CCDC175: variants seen among roughly 807,000 people sequenced by gnomAD.
CCDC175 encodes coiled-coil domain containing 175.
A neutral mutation model predicts 114.6 loss-of-function variants in CCDC175; 100 were observed. The ratio of observed to expected loss-of-function variants is 0.87; its 90% CI spans 0.74 to 1.03. The LOEUF (loss-of-function observed/expected upper bound fraction) is 1.03, where lower values mean the gene tolerates loss of function less well. Among genes scored for constraint, CCDC175 ranks in the 50% least tolerant of loss-of-function variants. The pLI, the probability that CCDC175 is intolerant of heterozygous loss-of-function variation, is 0.00. For missense variants in CCDC175, 880 were observed against 917.8 expected, an observed-to-expected ratio of 0.96 and a Z score of 0.53; for synonymous variants, 306 against 308.7, an observed-to-expected ratio of 0.99 and a Z score of 0.09.
intron 8 of CCDC175, 124 bp downstream of exon 8, chr14:59,551,231 C>A: frequency 3.8e-6 from 2 of 526,696 alleles, no homozygotes; most frequent in Non-Finnish European, 6.4e-6. Context: ...TTACTACAAA[C>A]AACCATATTA....
chr14:59,557,029 T>C (rs934013970), intron 7 of CCDC175, among the ~76,000 whole-genome samples: 5 of 152,180 alleles, frequency 3.3e-5, no homozygotes, highest in African/African-American at 1.2e-4. Context: ...GACTGTAAAC[T>C]AGTTCAACGA....
chr14:59,522,710 A>G (rs1269645536), intron 16 of CCDC175, among the ~76,000 whole-genome samples: 1 of 152,196 alleles, frequency 6.6e-6, no homozygotes, highest in African/African-American at 2.4e-5. Flanking sequence ...TCCCAGGTGT[A>G]AATCCTGCCT....
rs530359645 is a variant in CCDC175 at position 59,575,292 on chromosome 14, T to C, written c.158-264A>G. 2.4e-3 allele frequency among the ~76,000 whole-genome samples: 58 copies of C among 23,998 alleles called. No individual in the cohort carries two copies. In the East Asian group the frequency reaches 0.37, roughly 154 times the overall value. The allele number at this position is 23,998 out of a possible 152,430, so 15.7% of individuals were successfully genotyped here. On this transcript the variant is annotated intron_variant, in intron 1 of 19. Coordinates refer to ENST00000537690, the MANE Select transcript of CCDC175 (RefSeq NM_001164399.2). ...TATAACTCAGGGCAAGAGGGTGTAA[T>C]GATTTTTTTTTCCTATGAAATATGT...
intron 7 of CCDC175, among the ~76,000 whole-genome samples, chr14:59,552,064 G>A (rs1364620577): frequency 6.6e-6 from 1 of 152,242 alleles, no homozygotes; most frequent in Non-Finnish European, 1.5e-5. Flanking sequence ...CGAACAAAAG[G>A]CAGCAGAAAC....
chr14:59,549,684 C>T (rs1281893778), intron 8 of CCDC175, among the ~76,000 whole-genome samples: 1 of 126,934 alleles, frequency 7.9e-6, no homozygotes, highest in African/African-American at 2.8e-5. Context: ...CATGCCACTG[C>T]ACTCCAGCCT....
At chr14:59,538,001 T>C (rs1046147306) in intron 13 of CCDC175, 22 bp downstream of exon 13, 4 of 1,493,614 alleles carry the variant, frequency 2.7e-6, no homozygotes, top group Non-Finnish European at 3.6e-6. Flanking sequence ...AAAAGTATTC[T>C]TAGATGCAAA....
chr14:59,512,787 A>C (rs1026504908), intron 17 of CCDC175, among the ~76,000 whole-genome samples: 2 of 149,256 alleles, frequency 1.3e-5, no homozygotes, highest in Non-Finnish European at 3.0e-5. Context: ...ACACAAACCC[A>C]ATTAAGATCT....
intron 10 of CCDC175, among the ~76,000 whole-genome samples, chr14:59,542,777 C>T (rs1467347109): frequency 4.6e-5 from 7 of 151,874 alleles, no homozygotes; most frequent in African/African-American, 1.7e-4. Context: ...AACATTTTAC[C>T]TTATTTGTTT....
At chr14:59,519,688 C>T (rs1893312679) in intron 17 of CCDC175, among the ~76,000 whole-genome samples, 3 of 152,228 alleles carry the variant, frequency 2.0e-5, no homozygotes, top group African/African-American at 7.2e-5. Flanking sequence ...TTCCATTCCA[C>T]AAGTTTTTTT....
chr14:59,536,950 T>A (rs1179475754), intron 13 of CCDC175, among the ~76,000 whole-genome samples: 2 of 151,982 alleles, frequency 1.3e-5, no homozygotes, highest in African/African-American at 2.4e-5. Flanking sequence ...CTGGCTAATT[T>A]TTTTGTATTT....
At position 59,531,872 on chromosome 14, in the gene CCDC175, C is replaced by A; in HGVS notation, c.1662G>T (p.Lys554Asn). 7.8e-7 allele frequency: 1 copy of A among 1,287,118 alleles called. No homozygotes were observed. Among genetic ancestry groups the A allele is most frequent in the Non-Finnish European group, 1.1e-6 (1 of 927,102 alleles). 79.7% of individuals were successfully genotyped at this position (1,287,118 alleles called of 1,614,324 possible). Reference protein sequence around the residue: ...FVKETQINKEKEEELVEYLPQ... With the variant: ...FVKETQINKENEEELVEYLPQ... Reference sequence around the variant, plus strand: ...GAAGATACTCAACTAGTTCTTCTTCCTTTTCTTTGTTAATTTGTGTTTCCT... The same window carrying A: ...GAAGATACTCAACTAGTTCTTCTTCATTTTCTTTGTTAATTTGTGTTTCCT... The change falls in exon 14 of 20, where the codon AAG becomes AAT. Residue 554 changes from lysine (K) to asparagine (N), a missense_variant. Lys to Asn is a moderately conservative substitution (Grantham distance 94, BLOSUM62 0). Coordinates refer to ENST00000537690, the MANE Select transcript of CCDC175 (RefSeq NM_001164399.2).
At position 59,538,011 on chromosome 14, in the gene CCDC175, A is replaced by G; in HGVS notation, c.1623+12T>C. On this transcript the variant is annotated intron_variant, in intron 13 of 19. Coordinates refer to ENST00000537690, the MANE Select transcript of CCDC175 (RefSeq NM_001164399.2). Reference sequence around the variant, plus strand: ...CATCCAAAAGTATTCTTAGATGCAAAATAAAATTTACCTCATACTTGCTTA... The same window carrying G: ...CATCCAAAAGTATTCTTAGATGCAAGATAAAATTTACCTCATACTTGCTTA... The G allele has an allele frequency of 6.6e-7, 1 of 1,511,292 alleles. No individual in the cohort carries two copies. The allele number at this position is 1,511,292 out of a possible 1,614,324, so 93.6% of individuals were successfully genotyped here.
Position 59,545,186 on chromosome 14 carries a change from C to CA in CCDC175, c.1148dup (p.Leu383PhefsTer8), listed in dbSNP as rs921476762. The stretch of plus-strand genomic sequence containing the variant: ...ACTCATCATGAATCTTTTGTTTTTG[C>CA]AAAAAAGCTTTTTCTTCCTCACTTA... On this transcript the variant is annotated frameshift_variant, in exon 9 of 20. Transcript: ENST00000537690. LOFTEE classifies it high-confidence loss of function. 2 of 1,536,106 alleles carry CA rather than the reference C, an allele frequency of 1.3e-6. No individual in the cohort carries two copies. Among genetic ancestry groups the CA allele is most frequent in the African/African-American group, 2.7e-5 (2 of 72,894 alleles).
chr14:59,576,794 C>G lies in CCDC175; in HGVS notation c.-19G>C. On this transcript the variant is annotated 5_prime_UTR_variant, in exon 1 of 20. Coordinates refer to ENST00000537690, the MANE Select transcript of CCDC175 (RefSeq NM_001164399.2). ...GGGCCATTTTGCCGCTCTACTTGAG[C>G]GCCTCCTAAGCCAGAGCCAAGGATT... 7.0e-7 allele frequency: 1 copy of G among 1,427,038 alleles called. No homozygotes were observed. The highest frequency in any genetic ancestry group is 3.0e-5 in the East Asian group (1 of 33,746). 88.4% of individuals were successfully genotyped at this position (1,427,038 alleles called of 1,614,324 possible). A position where few individuals can be genotyped will look rare whatever the true frequency, so the allele number is the denominator to read the frequency against.
intron 4 of CCDC175, 64 bp downstream of exon 4, chr14:59,568,181 G>T: frequency 1.4e-6 from 2 of 1,444,216 alleles, no homozygotes; most frequent in South Asian, 2.8e-5. Context: ...AACCCCTCCC[G>T]ACAATTTTCC....
chr14:59,551,831 T>A (rs1895517042), intron 7 of CCDC175, among the ~76,000 whole-genome samples: 1 of 152,356 alleles, frequency 6.6e-6, no homozygotes, highest in East Asian at 1.9e-4. Context: ...ATCCCGCGCA[T>A]GGCTCAGAGG....
chr14:59,570,143 G>A (rs1388940324), intron 3 of CCDC175, among the ~76,000 whole-genome samples: 2 of 151,750 alleles, frequency 1.3e-5, no homozygotes, highest in Non-Finnish European at 2.9e-5. Flanking sequence ...TCTTCATGCA[G>A]AGGTGCCTCA....
intron 2 of CCDC175, among the ~76,000 whole-genome samples, chr14:59,574,482 A>G (rs1897000956): frequency 6.6e-6 from 1 of 152,224 alleles, no homozygotes; most frequent in African/African-American, 2.4e-5. Flanking sequence ...AGTACCGTCT[A>G]CTTCAGTGGA....
intron 4 of CCDC175, among the ~76,000 whole-genome samples, chr14:59,567,191 C>T (rs1461374342): frequency 1.3e-5 from 2 of 152,218 alleles, no homozygotes; most frequent in Non-Finnish European, 2.9e-5. Flanking sequence ...GTTTATGTAG[C>T]AGGCTCTGGC....
Sources: gnomAD v4.1 joint callset for allele counts (sites outside exome capture counted in the v4.1 genomes callset) on GRCh38, gnomAD v4.1.1 for gene constraint, MANE v1.5 for transcripts, NCBI Gene and HGNC (gene_info 2026-07-23, HGNC 2026-07-21) for gene names.